DNAH3: variants seen among roughly 807,000 people sequenced by gnomAD.
The protein encoded by DNAH3 is dynein axonemal heavy chain 3, also known as axonemal beta dynein heavy chain 3.
In DNAH3, 332 loss-of-function variants were observed where a neutral mutation model predicts 432.5. The ratio of observed to expected loss-of-function variants is 0.77; its 90% CI spans 0.70 to 0.84. The LOEUF (loss-of-function observed/expected upper bound fraction) is 0.84, where lower values mean the gene tolerates loss of function less well. Ranked by LOEUF, DNAH3 falls within the 40% of genes least tolerant of loss-of-function variation. The probability of loss-of-function intolerance (pLI) is 0.00; values close to 1 mark genes in which losing one functional copy is unlikely to be tolerated. For synonymous variants in DNAH3, 1,956 were observed against 1,900.2 expected, an observed-to-expected ratio of 1.03 and a Z score of -0.76; for missense variants, 4,861 against 5,114.0, an observed-to-expected ratio of 0.95 and a Z score of 1.51.
At chr16:21,065,636 T>TA (rs1729391631) in intron 24 of DNAH3, among the ~76,000 whole-genome samples, 1 of 152,072 alleles carries the variant, frequency 6.6e-6, no homozygotes, top group African/African-American at 2.4e-5. Context: ...CTATTTACAT[T>TA]AAAAAGTAAT....
At chr16:20,969,889 C>A in exon 52 of DNAH3, 1 of 1,614,122 alleles carries the variant, frequency 6.2e-7, no homozygotes, top group Non-Finnish European at 8.5e-7. Flanking sequence ...GGTTCTGCAT[C>A]GACTTCACCA....
rs925627585 is a variant in DNAH3 at position 21,140,519 on chromosome 16, G to C, written c.696+17C>G. On this transcript the variant is annotated intron_variant, in intron 5 of 61. Transcript: ENST00000261383. Reference sequence around the variant, plus strand: ...AACCCTCAGCAAACCGAGGGAAAGGGGGCAACAGGAACGTACCTCCAGGTC... The same window carrying C: ...AACCCTCAGCAAACCGAGGGAAAGGCGGCAACAGGAACGTACCTCCAGGTC... 5.3e-5 allele frequency: 86 copies of C among 1,608,754 alleles called. No individual in the cohort carries two copies. The highest frequency in any genetic ancestry group is 7.3e-5 in the Non-Finnish European group (86 of 1,176,014).
rs1057336329 is a variant in DNAH3 at position 21,005,299 on chromosome 16, C to G, written c.6023-2092G>C. 2.5e-4 allele frequency among the ~76,000 whole-genome samples: 36 copies of G among 146,290 alleles called. 1 individual carries two copies. Among genetic ancestry groups the G allele is most frequent in the Admixed American group, 2.8e-4 (4 of 14,472 alleles). ...CTTTCTTTCCTTCCTTGCTTCCCTC[C>G]TTCCCTCCTTCCCTCCCTCCCTCCC... On this transcript the variant is annotated intron_variant, in intron 41 of 61. Coordinates refer to ENST00000261383, the Ensembl canonical transcript of DNAH3.
At chr16:21,058,508 T>C (rs777110234) in intron 26 of DNAH3, among the ~76,000 whole-genome samples, 2 of 152,234 alleles carry the variant, frequency 1.3e-5, no homozygotes, top group African/African-American at 2.4e-5. Context: ...TGTTTTTTAA[T>C]GGCTACATAA....
At chr16:21,012,427 T>A (rs904579140) in intron 41 of DNAH3, among the ~76,000 whole-genome samples, 2 of 152,120 alleles carry the variant, frequency 1.3e-5, no homozygotes, top group African/African-American at 4.8e-5. Flanking sequence ...ACTTCTAATT[T>A]AAAGAAGAAG....
chr16:21,022,385 G>A (rs1176457407), intron 39 of DNAH3, among the ~76,000 whole-genome samples: 3 of 152,172 alleles, frequency 2.0e-5, no homozygotes, highest in African/African-American at 7.2e-5. Flanking sequence ...TCAGCTACAG[G>A]ATGCATAAAA....
chr16:21,046,083 C>T (rs1413187517), intron 31 of DNAH3, among the ~76,000 whole-genome samples: 2 of 149,848 alleles, frequency 1.3e-5, no homozygotes, highest in African/African-American at 4.9e-5. Flanking sequence ...CTGAGGAGAG[C>T]TTTACTTCCC....
At chr16:20,977,065 G>C (rs535641641) in intron 50 of DNAH3, among the ~76,000 whole-genome samples, 13 of 152,094 alleles carry the variant, frequency 8.5e-5, no homozygotes, top group African/African-American at 4.8e-5. Context: ...TGAGGGTTGT[G>C]CCATTTTTTA....
At chr16:21,124,480 C>T (rs1027092280) in intron 9 of DNAH3, among the ~76,000 whole-genome samples, 3 of 152,054 alleles carry the variant, frequency 2.0e-5, no homozygotes, top group African/African-American at 7.3e-5. Flanking sequence ...TAAAATTATT[C>T]CAATCCACAG....
intron 28 of DNAH3, among the ~76,000 whole-genome samples, chr16:21,053,609 C>G (rs1243439005): frequency 6.6e-6 from 1 of 152,122 alleles, no homozygotes; most frequent in Non-Finnish European, 1.5e-5. Context: ...CACATTTTCC[C>G]TTCTCCCTCC....
chr16:21,123,525 A>G (rs2092387061), intron 9 of DNAH3, among the ~76,000 whole-genome samples: 2 of 152,320 alleles, frequency 1.3e-5, no homozygotes, highest in African/African-American at 4.8e-5. Flanking sequence ...AATGACATTT[A>G]TAGATTGGTC....
rs184476683 is a variant in DNAH3, at chr16:20,969,407, C to T, written c.8458+385G>A. Among the ~76,000 whole-genome samples, 10 of 151,962 alleles carry T rather than the reference C, an allele frequency of 6.6e-5. 1 individual carries two copies. Among genetic ancestry groups the T allele is most frequent in the African/African-American group, 2.4e-4 (10 of 41,452 alleles). Reference sequence around the variant, plus strand: ...GTCTCTGTCTCATTCTTTTGCTTTCCCTAACTCTCTTTCTCTGCTTCTCTC... The same window carrying T: ...GTCTCTGTCTCATTCTTTTGCTTTCTCTAACTCTCTTTCTCTGCTTCTCTC... On this transcript the variant is annotated intron_variant, in intron 52 of 61. Transcript: ENST00000261383.
intron 57 of DNAH3, 94 bp from the exon 58 acceptor site, chr16:20,944,757 T>C (rs2152570589): frequency 8.3e-7 from 1 of 1,204,180 alleles, no homozygotes; most frequent in Admixed American, 2.0e-5. Context: ...ACAGGAATCA[T>C]ACTGTATCAG....
At chr16:21,021,609 A>C (rs2088225740) in intron 40 of DNAH3, among the ~76,000 whole-genome samples, 1 of 152,118 alleles carries the variant, frequency 6.6e-6, no homozygotes, top group African/African-American at 2.4e-5. Context: ...AGGTGGGAGC[A>C]GAAAAAATAG....
At chr16:20,965,353 T>G (rs768240877) in exon 53 of DNAH3, 3 of 1,564,650 alleles carry the variant, frequency 1.9e-6, no homozygotes, top group Non-Finnish European at 2.6e-6. Context: ...GTCATATGTC[T>G]TAAGACTCTC....
Position 21,136,515 on chromosome 16 carries a change from T to C in DNAH3, c.697-2A>G. The C allele has an allele frequency of 6.2e-7, 1 of 1,613,244 alleles. No homozygotes were observed. The highest frequency in any genetic ancestry group is 8.5e-7 in the Non-Finnish European group (1 of 1,179,214). Reference sequence around the variant, plus strand: ...ATTGGTCAGATAGTAATAGTATCTCTTCCATAAACAAACCACCAGCGAGAA... The same window carrying C: ...ATTGGTCAGATAGTAATAGTATCTCCTCCATAAACAAACCACCAGCGAGAA... On this transcript the variant is annotated splice_acceptor_variant, in intron 5 of 61. Transcript: ENST00000261383. LOFTEE classifies it high-confidence loss of function.
In DNAH3 at chr16:21,087,017, T is replaced by C. The variant is rs937456583; in HGVS notation, c.2709A>G (p.Ile903Met). ...TATACGTTGTCCTCCACATATTCCCTATCTCCTCCGCAATTTGCTCAGCAT... is the reference window on the plus strand; with the variant it reads ...TATACGTTGTCCTCCACATATTCCCCATCTCCTCCGCAATTTGCTCAGCAT... The change falls in exon 19 of 62, where the codon ATA (isoleucine) becomes ATG (methionine). Residue 903 changes from isoleucine to methionine, a missense_variant. Coordinates refer to ENST00000261383, the Ensembl canonical transcript of DNAH3. 4.3e-6 allele frequency: 7 copies of C among 1,614,066 alleles called. No individual in the cohort carries two copies. The African/African-American group carries it at 6.7e-5, about 15-fold the overall frequency.
chr16:21,030,148 A>G lies in DNAH3; in HGVS notation c.5439+897T>C, dbSNP rs79634650. On this transcript the variant is annotated intron_variant, in intron 37 of 61. Coordinates refer to ENST00000261383, the Ensembl canonical transcript of DNAH3. ...AGCCCATATGCACTTTTGCAATGTG[A>G]CCTGTCTGCCTCCATCAAGAGGTGA... 6.6e-3 allele frequency among the ~76,000 whole-genome samples: 1,004 copies of G among 152,248 alleles called. 6 individuals are homozygous for G. Among genetic ancestry groups the G allele is most frequent in the Non-Finnish European group, 0.011 (725 of 68,012 alleles).
Position 21,121,942 on chromosome 16 carries a change from T to C in DNAH3, c.1584+3A>G. The C allele has an allele frequency of 6.2e-7, 1 of 1,606,444 alleles. No homozygotes were observed. The highest frequency in any genetic ancestry group is 8.5e-7 in the Non-Finnish European group (1 of 1,176,572). Reference sequence around the variant, plus strand: ...CAAATGAATGATTAAGTGACTACTATACCTTGGGGATCCCATTAGAGTTCT... The same window carrying C: ...CAAATGAATGATTAAGTGACTACTACACCTTGGGGATCCCATTAGAGTTCT... On this transcript the variant is annotated splice_donor_region_variant and intron_variant, in intron 10 of 61. Transcript: ENST00000261383.
Sources: gnomAD v4.1 joint callset for allele counts (sites outside exome capture counted in the v4.1 genomes callset) on GRCh38, gnomAD v4.1.1 for gene constraint, MANE v1.5 for transcripts, NCBI Gene and HGNC (gene_info 2026-07-23, HGNC 2026-07-21) for gene names.